Variants in LGALS3 observed in about 807,000 individuals in gnomAD.
LGALS3 encodes the protein galectin-3.
LGALS3 carries 18 observed loss-of-function variants against 20.7 expected under a neutral mutation model. The ratio of observed to expected loss-of-function variants is 0.87; its 90% CI spans 0.60 to 1.29. The LOEUF (loss-of-function observed/expected upper bound fraction) is 1.29. Ranked by LOEUF, LGALS3 falls within the 50% of genes most tolerant of loss-of-function variation. The probability of loss-of-function intolerance (pLI) is 0.00; values close to 1 mark genes in which losing one functional copy is unlikely to be tolerated. For missense variants in LGALS3, 315 were observed against 314.7 expected (o/e 1.00, Z -0.01); for synonymous variants, 112 against 119.6 (o/e 0.94, Z 0.42).
At position 55,145,189 on chromosome 14, in the gene LGALS3, G is replaced by A. The variant is rs564378578; in HGVS notation, c.671G>A (p.Arg224Gln). 5.3e-5 allele frequency: 85 copies of A among 1,613,626 alleles called. 1 individual carries two copies. Among genetic ancestry groups the A allele is most frequent in the African/African-American group, 2.8e-4 (21 of 74,884 alleles). ...NDAHLLQYNH[R>Q]VKKLNEISKL... ...GCTCACTTGTTGCAGTACAATCATCGGGTTAAAAAACTCAATGAAATCAGC... is the reference window on the plus strand; with the variant it reads ...GCTCACTTGTTGCAGTACAATCATCAGGTTAAAAAACTCAATGAAATCAGC... Residue 224 changes from arginine (R) to glutamine (Q), a missense_variant, in exon 6 of 6, where the codon CGG becomes CAG. Transcript: ENST00000254301.
At chr14:55,143,773 TGAA>T (rs1881717164) in intron 5 of LGALS3, 1 of 152,236 alleles carries the variant, frequency 6.6e-6, no homozygotes, top group African/African-American at 2.4e-5. Flanking sequence ...ACCCTACTGA[TGAA>T]AATTTACAGA....
At chr14:55,135,975 A>C (rs1315538238) in intron 1 of LGALS3, among the ~76,000 whole-genome samples, 1 of 152,172 alleles carries the variant, frequency 6.6e-6, no homozygotes, top group Non-Finnish European at 1.5e-5. Context: ...AAAGAGAAGG[A>C]TATTCTGGTT....
At position 55,137,904 on chromosome 14, in the gene LGALS3, T is replaced by G. The variant is rs1042380901; in HGVS notation, c.19-141T>G. On this transcript the variant is annotated intron_variant, in intron 2 of 5. Transcript: ENST00000254301. ...TAGTCTTAGAAACTCAAACTATTAA[T>G]AAGTGGAAAAAGTTTAATGATATGC... 1.2e-4 allele frequency: 165 copies of G among 1,332,892 alleles called. 1 individual carries two copies. Among genetic ancestry groups the G allele is most frequent in the Middle Eastern group, 8.2e-4 (3 of 3,638 alleles). The allele number at this position is 1,332,892 out of a possible 1,614,324, so 82.6% of individuals were successfully genotyped here.
chr14:55,141,642 A>G (rs1881626722), intron 4 of LGALS3, among the ~76,000 whole-genome samples: 1 of 152,210 alleles, frequency 6.6e-6, no homozygotes, highest in Admixed American at 6.5e-5. Context: ...CAAATTCTAT[A>G]TGACGAACTG....
chr14:55,137,547 T>C (rs1175048176), intron 2 of LGALS3, 156 bp downstream of exon 2: 1 of 1,558,358 alleles, frequency 6.4e-7, no homozygotes, highest in Non-Finnish European at 8.6e-7. Context: ...TGGAGCCTTG[T>C]TTTTCCAGCA....
intron 3 of LGALS3, 101 bp from the exon 4 acceptor site, chr14:55,140,174 G>A (rs1024461547): frequency 1.7e-5 from 13 of 766,672 alleles, no homozygotes; most frequent in South Asian, 1.2e-4. Flanking sequence ...AGAGTTATGT[G>A]TTTTTCACAC....
intron 1 of LGALS3, among the ~76,000 whole-genome samples, chr14:55,136,702 G>C (rs969381648): frequency 6.6e-6 from 1 of 152,102 alleles, no homozygotes; most frequent in Non-Finnish European, 1.5e-5. Flanking sequence ...AACGTACAAT[G>C]AAATTATTGA....
At position 55,138,158 on chromosome 14, in the gene LGALS3, C is replaced by T; in HGVS notation, c.132C>T (p.Ala44=). Residue 44 remains alanine, a synonymous_variant, in exon 3 of 6, where the codon GCC becomes GCT. Coordinates refer to ENST00000254301, the MANE Select transcript of LGALS3 (RefSeq NM_002306.4). ...GGYPGASYPG[A]YPGQAPPGAY... ...ACCCAGGGGCTTCCTATCCTGGGGCCTACCCCGGGCAGGCACCCCCAGGGG... is the reference window on the plus strand; with the variant it reads ...ACCCAGGGGCTTCCTATCCTGGGGCTTACCCCGGGCAGGCACCCCCAGGGG... 1 of 1,602,762 alleles carries T rather than the reference C, an allele frequency of 6.2e-7. No individual in the cohort carries two copies. Among genetic ancestry groups the T allele is most frequent in the Non-Finnish European group, 8.5e-7 (1 of 1,176,102 alleles).
At chr14:55,138,391 A>C in intron 3 of LGALS3, 23 bp downstream of exon 3, 7 of 1,611,488 alleles carry the variant, frequency 4.3e-6, no homozygotes, top group Non-Finnish European at 5.1e-6. Context: ...TCCTTCTTTC[A>C]TGTACTTGAC....
chr14:55,142,884 C>A, intron 5 of LGALS3, 135 bp downstream of exon 5: 1 of 632,772 alleles, frequency 1.6e-6, no homozygotes, highest in Non-Finnish European at 2.7e-6. Flanking sequence ...TCTCCCTGCC[C>A]AGGGGACCAG....
In LGALS3 at chr14:55,140,155, G is replaced by A. The variant is rs1881566990; in HGVS notation, c.343-120G>A. 11 of 635,194 alleles carry A rather than the reference G, an allele frequency of 1.7e-5. No individual in the cohort carries two copies. In the South Asian group the frequency reaches 1.8e-4, roughly 11 times the overall value. 39.3% of individuals were successfully genotyped at this position (635,194 alleles called of 1,614,324 possible). A position where few individuals can be genotyped will look rare whatever the true frequency, so the allele number is the denominator to read the frequency against. On this transcript the variant is annotated intron_variant, in intron 3 of 5. Transcript: ENST00000254301. ...AGTGGCCTGAGAGTCTGGACAGATG[G>A]CATATACTAGAGTTATGTGTTTTTC...
intron 1 of LGALS3, among the ~76,000 whole-genome samples, chr14:55,133,734 G>C (rs566329206): frequency 6.6e-6 from 1 of 152,162 alleles, no homozygotes; most frequent in Non-Finnish European, 1.5e-5. Context: ...GATCTGCTTT[G>C]TTTCCCAAAC....
chr14:55,138,005 A>G (rs755231641), intron 2 of LGALS3, 40 bp from the exon 3 acceptor site: 7 of 1,462,850 alleles, frequency 4.8e-6, no homozygotes, highest in Non-Finnish European at 6.3e-6. Context: ...GCTTTTGAGA[A>G]TGCTTTCTGT....
At chr14:55,140,592 C>T (rs1024846136) in intron 4 of LGALS3, among the ~76,000 whole-genome samples, 6 of 152,098 alleles carry the variant, frequency 3.9e-5, no homozygotes, top group South Asian at 2.1e-4. Flanking sequence ...TCATAGTAAA[C>T]GGTAACACAC....
At chr14:55,144,574 G>GT (rs1004691422) in intron 5 of LGALS3, among the ~76,000 whole-genome samples, 2 of 151,624 alleles carry the variant, frequency 1.3e-5, no homozygotes, top group African/African-American at 4.8e-5. Context: ...GTTGCTTTTT[G>GT]TTTTTTTGAG....
Position 55,142,644 on chromosome 14 carries a change from T to A in LGALS3, c.492T>A (p.Asn164Lys). 6.2e-7 allele frequency: 1 copy of A among 1,613,602 alleles called. No homozygotes were observed. Among genetic ancestry groups the A allele is most frequent in the East Asian group, 2.2e-5 (1 of 44,870 alleles). ...DVAFHFNPRFNENNRRVIVCN... is the reference protein window; with the variant it reads ...DVAFHFNPRFKENNRRVIVCN... ...CCTTCCACTTTAACCCACGCTTCAA[T>A]GAGAACAACAGGAGAGTCATTGTTT... Residue 164 changes from asparagine (N) to lysine (K), a missense_variant, in exon 5 of 6, where the codon AAT becomes AAA. By Grantham distance (94) the Asn-to-Lys change is moderately conservative. Transcript: ENST00000254301.
rs1594651655 is a variant in LGALS3 at position 55,137,409 on chromosome 14, G to C, written c.18+18G>C. 6.2e-7 allele frequency: 1 copy of C among 1,614,180 alleles called. No homozygotes were observed. The highest frequency in any genetic ancestry group is 8.5e-7 in the Non-Finnish European group (1 of 1,180,002). ...ATTTTTCGGTAAGTGTTTTATGCCT[G>C]TTTCTTCCCCTTGATCAGCTCCACA... On this transcript the variant is annotated intron_variant, in intron 2 of 5. Transcript: ENST00000254301.
Position 55,145,382 on chromosome 14 carries a change from G to A in LGALS3, c.*111G>A, listed in dbSNP as rs1185760214. 3 of 1,541,976 alleles carry A rather than the reference G, an allele frequency of 1.9e-6. No homozygotes were observed. Among genetic ancestry groups the A allele is most frequent in the South Asian group, 1.2e-5 (1 of 86,024 alleles). On this transcript the variant is annotated 3_prime_UTR_variant, in exon 6 of 6. Coordinates refer to ENST00000254301, the MANE Select transcript of LGALS3 (RefSeq NM_002306.4). Reference sequence around the variant, plus strand: ...ACATTCATCAATATCCCTCTTGTAAGTCATCTACTTAATAAATATTACAGT... The same window carrying A: ...ACATTCATCAATATCCCTCTTGTAAATCATCTACTTAATAAATATTACAGT...
chr14:55,145,235 C>T lies in LGALS3; in HGVS notation c.717C>T (p.Asp239=), dbSNP rs770459261. The T allele has an allele frequency of 6.8e-6, 11 of 1,612,930 alleles. No individual in the cohort carries two copies. The highest frequency in any genetic ancestry group is 6.7e-5 in the Admixed American group (4 of 59,908). Residue 239 remains aspartate (D), a synonymous_variant, in exon 6 of 6, where the codon GAC becomes GAT. Transcript: ENST00000254301. ...NEISKLGISG[D]IDLTSASYTM... is the part of the protein sequence containing the mutation. Reference sequence around the variant, plus strand: ...TCAGCAAACTGGGAATTTCTGGTGACATAGACCTCACCAGTGCTTCATATA... The same window carrying T: ...TCAGCAAACTGGGAATTTCTGGTGATATAGACCTCACCAGTGCTTCATATA...
Sources: gnomAD v4.1 joint callset for allele counts (sites outside exome capture counted in the v4.1 genomes callset) on GRCh38, gnomAD v4.1.1 for gene constraint, MANE v1.5 for transcripts, NCBI Gene and HGNC (gene_info 2026-07-23, HGNC 2026-07-21) for gene names.